The following GLIS3 variants were observed in gnomAD, a reference collection of about 807,000 sequenced individuals.
GLIS3 encodes zinc finger protein GLIS3.
A neutral mutation model predicts 78.6 loss-of-function variants in GLIS3; 53 were observed. The observed-to-expected ratio is 0.67, with a 90% confidence interval of 0.54 to 0.85. The LOEUF (loss-of-function observed/expected upper bound fraction) is 0.85, where lower values mean the gene tolerates loss of function less well. GLIS3 is among the 40% of genes least tolerant of loss of function. The pLI is 0.00. For synonymous variants in GLIS3, 684 were observed against 509.9 expected (o/e 1.34, Z -4.60); for missense variants, 1,703 against 1,231.1 (o/e 1.38, Z -5.74).
At chr9:3,952,003 G>C (rs1816730998) in intron 4 of GLIS3, among the ~76,000 whole-genome samples, 1 of 151,950 alleles carries the variant, frequency 6.6e-6, no homozygotes. Context: ...GACAAGCGTG[G>C]TGAGAGAGAG....
chr9:3,841,722 G>A (rs905958640), intron 9 of GLIS3, among the ~76,000 whole-genome samples: 1 of 152,134 alleles, frequency 6.6e-6, no homozygotes, highest in African/African-American at 2.4e-5. Context: ...TCTATGAGGG[G>A]GAACACTGGT....
intron 2 of GLIS3, among the ~76,000 whole-genome samples, chr9:4,128,441 C>G (rs1223440491): frequency 6.6e-6 from 1 of 152,200 alleles, no homozygotes; most frequent in Non-Finnish European, 1.5e-5. Flanking sequence ...AGCACCTAAC[C>G]TAGGGTCTAA....
the GLIS3 span, among the ~76,000 whole-genome samples, chr9:4,391,396 C>G: frequency 6.0e-4 from 92 of 152,274 alleles, no homozygotes; most frequent in African/African-American, 2.0e-3. Flanking sequence ...AGTTTTAACT[C>G]TACTTCTTTT....
chr9:4,230,381 A>G (rs1205366554), intron 2 of GLIS3, among the ~76,000 whole-genome samples: 1 of 152,200 alleles, frequency 6.6e-6, no homozygotes, highest in African/African-American at 2.4e-5. Flanking sequence ...CATGTGCTAG[A>G]TGGGAAGGGA....
In GLIS3 at chr9:3,980,568, T is replaced by C. The variant is rs1316115864; in HGVS notation, c.1711-43379A>G. 2.0e-5 allele frequency among the ~76,000 whole-genome samples: 3 copies of C among 152,344 alleles called. No homozygotes were observed. The East Asian group carries it at 5.8e-4, about 29-fold the overall frequency. ...GTGTTTAGACACCTTTGACAGCCCA[T>C]ATTGAACATACCTAAAATGGTCTTC... On this transcript the variant is annotated intron_variant, in intron 4 of 10. Transcript: ENST00000381971.
At chr9:3,967,021 A>C (rs1255489696) in intron 4 of GLIS3, among the ~76,000 whole-genome samples, 1 of 139,934 alleles carries the variant, frequency 7.1e-6, no homozygotes, top group Non-Finnish European at 1.5e-5. Flanking sequence ...CAAAAAAAAA[A>C]AAAAAAAAAA....
At chr9:4,368,139 C>T in the GLIS3 span, among the ~76,000 whole-genome samples, 2 of 152,132 alleles carry the variant, frequency 1.3e-5, no homozygotes, top group African/African-American at 4.8e-5. Context: ...ATCCTAAAAT[C>T]ACTTATATCA....
intron 2 of GLIS3, among the ~76,000 whole-genome samples, chr9:4,281,434 T>C (rs1376170786): frequency 6.6e-6 from 1 of 152,120 alleles, no homozygotes; most frequent in Non-Finnish European, 1.5e-5. Flanking sequence ...AAACACTAAC[T>C]CCTCATGCCC....
the GLIS3 span, among the ~76,000 whole-genome samples, chr9:4,407,089 AAT>A: frequency 1.3e-5 from 2 of 152,342 alleles, no homozygotes. Context: ...ATGGTATAAA[AAT>A]AGACACATAG....
chr9:3,849,468 T>C (rs1819282957), intron 9 of GLIS3, among the ~76,000 whole-genome samples: 1 of 152,136 alleles, frequency 6.6e-6, no homozygotes. Context: ...GGACAAGATG[T>C]GTAGAATATC....
chr9:4,032,238 A>C (rs1322697180), intron 4 of GLIS3, among the ~76,000 whole-genome samples: 2 of 152,204 alleles, frequency 1.3e-5, no homozygotes, highest in East Asian at 3.8e-4. Flanking sequence ...GTGAACATTT[A>C]AGGCAGAGCA....
chr9:4,109,957 G>C lies in GLIS3; in HGVS notation c.1710+7811C>G, dbSNP rs1488086411. Reference sequence around the variant, plus strand: ...CCAAACTCTACAGGCATACTTGAGAGCTTCTTCCCCTAGTTTTCCCATTAA... The same window carrying C: ...CCAAACTCTACAGGCATACTTGAGACCTTCTTCCCCTAGTTTTCCCATTAA... On this transcript the variant is annotated intron_variant, in intron 4 of 10. Transcript: ENST00000381971. 2.6e-5 allele frequency among the ~76,000 whole-genome samples: 4 copies of C among 152,168 alleles called. 1 individual carries two copies. Among genetic ancestry groups the C allele is most frequent in the African/African-American group, 9.7e-5 (4 of 41,440 alleles).
At chr9:4,430,448 A>C in the GLIS3 span, among the ~76,000 whole-genome samples, 2 of 152,238 alleles carry the variant, frequency 1.3e-5, no homozygotes, top group African/African-American at 2.4e-5. Context: ...CACTGTTGCC[A>C]GTAGTCACCT....
the GLIS3 span, among the ~76,000 whole-genome samples, chr9:4,364,558 T>C: frequency 6.6e-6 from 1 of 152,014 alleles, no homozygotes; most frequent in South Asian, 2.1e-4. Flanking sequence ...ATATCCATAA[T>C]GCAATATTGC....
chr9:4,432,638 C>CTTTTT, the GLIS3 span, among the ~76,000 whole-genome samples: 2 of 113,536 alleles, frequency 1.8e-5, no homozygotes, highest in African/African-American at 3.3e-5. Context: ...TTTTTATTTC[C>CTTTTT]TTTTTTTTTT....
the GLIS3 span, among the ~76,000 whole-genome samples, chr9:4,377,715 T>C: frequency 6.6e-6 from 1 of 152,180 alleles, no homozygotes; most frequent in African/African-American, 2.4e-5. Context: ...ATTATTGTTA[T>C]ATAGTATAAG....
At chr9:3,898,595 C>T (rs1325424643) in intron 7 of GLIS3, 96 bp downstream of exon 7, 2 of 1,475,416 alleles carry the variant, frequency 1.4e-6, no homozygotes, top group Middle Eastern at 1.7e-4. Flanking sequence ...CACAGACGAT[C>T]TTAGGAAAAT....
Position 4,184,441 on chromosome 9 carries a change from G to A in GLIS3, c.389-58500C>T, listed in dbSNP as rs183259342. 2.6e-5 allele frequency among the ~76,000 whole-genome samples: 4 copies of A among 152,266 alleles called. 1 individual carries two copies. The East Asian group carries it at 7.7e-4, about 29-fold the overall frequency. ...GTATTCGAATACCCCCACTTCAAAG[G>A]GAGACATTTGCTTTTGTTGGGCAAA... On this transcript the variant is annotated intron_variant, in intron 2 of 10. Coordinates refer to ENST00000381971, the MANE Select transcript of GLIS3 (RefSeq NM_001042413.2).
At chr9:3,921,173 C>T (rs919885071) in intron 6 of GLIS3, among the ~76,000 whole-genome samples, 12 of 152,270 alleles carry the variant, frequency 7.9e-5, no homozygotes, top group Middle Eastern at 3.4e-3. Context: ...ATGTGTATCT[C>T]GAAATGAGGA....
Sources: gnomAD v4.1 joint callset for allele counts (sites outside exome capture counted in the v4.1 genomes callset) on GRCh38, gnomAD v4.1.1 for gene constraint, MANE v1.5 for transcripts, NCBI Gene and HGNC (gene_info 2026-07-23, HGNC 2026-07-21) for gene names.